Variants in RALYL observed in about 807,000 individuals in gnomAD.
RALYL encodes the protein RNA-binding Raly-like protein.
Under a neutral mutation model 35.1 loss-of-function variants are expected in RALYL, and 29 were observed. The ratio of observed to expected loss-of-function variants is 0.83; its 90% CI spans 0.61 to 1.13. The LOEUF (loss-of-function observed/expected upper bound fraction) is 1.13. Ranked by LOEUF, RALYL falls within the 50% of genes most tolerant of loss-of-function variation. The pLI is 0.00. For synonymous variants in RALYL, 120 were observed against 127.6 expected (o/e 0.94, Z 0.40); for missense variants, 359 against 360.4 (o/e 1.00, Z 0.03).
At chr8:84,254,651 G>A (rs1830867756) in intron 1 of RALYL, among the ~76,000 whole-genome samples, 1 of 151,348 alleles carries the variant, frequency 6.6e-6, no homozygotes. Flanking sequence ...TGTGTGTGTG[G>A]GAGTGAGGGT....
intron 2 of RALYL, among the ~76,000 whole-genome samples, chr8:84,754,427 T>G (rs570681253): frequency 3.9e-5 from 6 of 152,306 alleles, no homozygotes; most frequent in East Asian, 1.9e-4. Context: ...CTGGTGATTC[T>G]TGTCCCTCTC....
At chr8:84,345,015 T>C (rs1849554002) in intron 1 of RALYL, among the ~76,000 whole-genome samples, 1 of 152,082 alleles carries the variant, frequency 6.6e-6, no homozygotes, top group African/African-American at 2.4e-5. Context: ...GGAGTAGATA[T>C]CTTTTTAATT....
chr8:84,591,266 GA>G, intron 2 of RALYL, among the ~76,000 whole-genome samples: 1 of 152,240 alleles, frequency 6.6e-6, no homozygotes, highest in South Asian at 2.1e-4. Flanking sequence ...TTGAATACCT[GA>G]GACATCAGGG....
chr8:84,450,082 ATTATT>A (rs1404354718), intron 1 of RALYL, among the ~76,000 whole-genome samples: 3 of 151,804 alleles, frequency 2.0e-5, no homozygotes, highest in African/African-American at 7.2e-5. Flanking sequence ...AAGTTCTATA[ATTATT>A]TTAATTTTTA....
chr8:84,791,497 A>C lies in RALYL; in HGVS notation c.333-13273A>C, dbSNP rs141490168. Among the ~76,000 whole-genome samples, 1,342 of 152,300 alleles carry C rather than the reference A, an allele frequency of 8.8e-3. 7 individuals are homozygous for C. Among genetic ancestry groups the C allele is most frequent in the Middle Eastern group, 0.017 (5 of 294 alleles). On this transcript the variant is annotated intron_variant, in intron 3 of 8. Transcript: ENST00000521268. The stretch of plus-strand genomic sequence containing the variant: ...CTGAGTAAAATAAAGAGCTTTTGGA[A>C]GGTTTTAAGCAGAAGAGTACCATGA...
chr8:84,436,061 C>T (rs1426843822), intron 1 of RALYL, among the ~76,000 whole-genome samples: 2 of 152,078 alleles, frequency 1.3e-5, no homozygotes, highest in Non-Finnish European at 2.9e-5. Context: ...ATTCATGTAA[C>T]CAAACATCAC....
intron 2 of RALYL, among the ~76,000 whole-genome samples, chr8:84,660,080 C>T (rs1011876335): frequency 1.3e-5 from 2 of 152,040 alleles, no homozygotes; most frequent in African/African-American, 2.4e-5. Flanking sequence ...TAGGTGGTTA[C>T]ATTTGAAGTG....
At chr8:84,633,422 G>T (rs1824358427) in intron 2 of RALYL, among the ~76,000 whole-genome samples, 1 of 151,748 alleles carries the variant, frequency 6.6e-6, no homozygotes, top group Admixed American at 6.6e-5. Flanking sequence ...ATAGAAAAAG[G>T]CTGTCCCAAT....
chr8:84,890,550 A>G (rs1189510616), intron 8 of RALYL, among the ~76,000 whole-genome samples: 1 of 152,216 alleles, frequency 6.6e-6, no homozygotes, highest in African/African-American at 2.4e-5. Context: ...AACTACTTAG[A>G]GAACTTTGTA....
At chr8:84,475,428 C>A (rs1460649431) in intron 1 of RALYL, among the ~76,000 whole-genome samples, 1 of 152,080 alleles carries the variant, frequency 6.6e-6, no homozygotes, top group South Asian at 2.1e-4. Flanking sequence ...CCACATTGCC[C>A]AGGCTGTTTA....
chr8:84,401,637 CAAAAAAAAAAA>C (rs71271985), intron 1 of RALYL, among the ~76,000 whole-genome samples: 21 of 17,428 alleles, frequency 1.2e-3, no homozygotes, highest in African/African-American at 2.1e-3. Flanking sequence ...GACTCTGTCT[CAAAAAAAAAAA>C]AAAAAAAAAA....
chr8:84,836,570 G>A (rs1432408979), intron 4 of RALYL, among the ~76,000 whole-genome samples: 2 of 152,092 alleles, frequency 1.3e-5, no homozygotes, highest in African/African-American at 2.4e-5. Context: ...ATACGTATTG[G>A]TGACATACAC....
rs540677241 is a variant in RALYL, at chr8:84,488,739, A to T, written c.-23-40560A>T. On this transcript the variant is annotated intron_variant, in intron 1 of 8. Coordinates refer to ENST00000521268, the MANE Select transcript of RALYL (RefSeq NM_173848.7). ...GGCCACTGAGTTGGTGCCTAAAAAGAACATTTTCAAAGTAATACTGGGCCC... is the reference window on the plus strand; with the variant it reads ...GGCCACTGAGTTGGTGCCTAAAAAGTACATTTTCAAAGTAATACTGGGCCC... Among the ~76,000 whole-genome samples, 79 of 152,172 alleles carry T rather than the reference A, an allele frequency of 5.2e-4. No homozygotes were observed. The South Asian group carries it at 0.016, about 30-fold the overall frequency.
intron 1 of RALYL, among the ~76,000 whole-genome samples, chr8:84,371,671 T>C (rs1179720538): frequency 1.3e-5 from 2 of 151,946 alleles, no homozygotes; most frequent in Non-Finnish European, 2.9e-5. Context: ...GGCTGCTTTG[T>C]GAAATACTGT....
intron 1 of RALYL, among the ~76,000 whole-genome samples, chr8:84,325,601 T>C (rs5009142): frequency 6.6e-6 from 1 of 152,210 alleles, no homozygotes; most frequent in East Asian, 1.9e-4. Flanking sequence ...TGACAACTGA[T>C]AAATTTGTAC....
At chr8:84,490,079 ATGTGTGTG>A (rs143193843) in intron 1 of RALYL, among the ~76,000 whole-genome samples, 30 of 144,366 alleles carry the variant, frequency 2.1e-4, no homozygotes, top group South Asian at 4.6e-4. Context: ...GCTTGCGTGC[ATGTGTGTG>A]TGTGTGTGTG....
chr8:84,811,590 AT>A (rs928488228), intron 4 of RALYL, among the ~76,000 whole-genome samples: 2 of 152,064 alleles, frequency 1.3e-5, no homozygotes, highest in Middle Eastern at 3.2e-3. Flanking sequence ...GTTTTCCTCG[AT>A]TTTTCCCCCA....
intron 3 of RALYL, among the ~76,000 whole-genome samples, chr8:84,799,496 G>T (rs991524605): frequency 6.6e-6 from 1 of 152,210 alleles, no homozygotes; most frequent in Non-Finnish European, 1.5e-5. Context: ...GTGAAAATAA[G>T]AATTGAGAGG....
chr8:84,921,103 C>T lies in RALYL; in HGVS notation c.*192C>T, dbSNP rs565107971. On this transcript the variant is annotated 3_prime_UTR_variant, in exon 9 of 9. Coordinates refer to ENST00000521268, the MANE Select transcript of RALYL (RefSeq NM_173848.7). ...TCTATGTTTTAAGCTGTACAATTGTCAGGTTTTTATGGTTTAAATTGTAAA... is the reference window on the plus strand; with the variant it reads ...TCTATGTTTTAAGCTGTACAATTGTTAGGTTTTTATGGTTTAAATTGTAAA... 19 of 392,466 alleles carry T rather than the reference C, an allele frequency of 4.8e-5. No individual in the cohort carries two copies. In the South Asian group the frequency reaches 2.3e-3, roughly 48 times the overall value. 24.3% of individuals were successfully genotyped at this position (392,466 alleles called of 1,614,324 possible). A position where few individuals can be genotyped will look rare whatever the true frequency, so the allele number is the denominator to read the frequency against.
Sources: gnomAD v4.1 joint callset for allele counts (sites outside exome capture counted in the v4.1 genomes callset) on GRCh38, gnomAD v4.1.1 for gene constraint, MANE v1.5 for transcripts, NCBI Gene and HGNC (gene_info 2026-07-23, HGNC 2026-07-21) for gene names.